EPHA7: variants seen among roughly 807,000 people sequenced by gnomAD.
EPHA7 encodes the protein EPH receptor A7, also known as ephrin type-A receptor 7.
A neutral mutation model predicts 112.6 loss-of-function variants in EPHA7; 25 were observed. The ratio of observed to expected loss-of-function variants is 0.22; its 90% CI spans 0.16 to 0.31. The LOEUF (loss-of-function observed/expected upper bound fraction) is 0.31, where lower values mean the gene tolerates loss of function less well. EPHA7 is among the 10% of genes least tolerant of loss of function. The pLI, the probability that EPHA7 is intolerant of heterozygous loss-of-function variation, is 1.00. For missense variants in EPHA7, 962 were observed against 1,212.6 expected, an observed-to-expected ratio of 0.79 and a Z score of 3.07; for synonymous variants, 437 against 406.5, an observed-to-expected ratio of 1.07 and a Z score of -0.90.
intron 3 of EPHA7, among the ~76,000 whole-genome samples, chr6:93,402,076 C>T (rs778879598): frequency 6.6e-6 from 1 of 151,974 alleles, no homozygotes; most frequent in Non-Finnish European, 1.5e-5. Context: ...TGACCATATA[C>T]TTCCCAATGC....
At chr6:93,403,553 T>C (rs1042493795) in intron 3 of EPHA7, among the ~76,000 whole-genome samples, 1 of 151,364 alleles carries the variant, frequency 6.6e-6, no homozygotes, top group African/African-American at 2.4e-5. Flanking sequence ...GCAGAGAGGA[T>C]CACTTGAGCC....
intron 3 of EPHA7, among the ~76,000 whole-genome samples, chr6:93,404,788 G>C (rs920846509): frequency 1.3e-5 from 2 of 151,314 alleles, no homozygotes; most frequent in African/African-American, 4.9e-5. Context: ...CTTAATACAT[G>C]CAAGTACTTA....
chr6:93,339,338 C>T (rs1341762871), intron 5 of EPHA7, among the ~76,000 whole-genome samples: 1 of 151,666 alleles, frequency 6.6e-6, no homozygotes, highest in Non-Finnish European at 1.5e-5. Context: ...TATTGTGAGA[C>T]TGAAGACAAC....
chr6:93,265,556 T>C (rs1770893243), intron 7 of EPHA7, among the ~76,000 whole-genome samples: 1 of 151,726 alleles, frequency 6.6e-6, no homozygotes, highest in African/African-American at 2.4e-5. Flanking sequence ...GTTTTATTTA[T>C]ATGATGATTC....
intron 3 of EPHA7, among the ~76,000 whole-genome samples, chr6:93,361,626 C>T (rs1309736837): frequency 6.6e-6 from 1 of 152,096 alleles, no homozygotes; most frequent in African/African-American, 2.4e-5. Context: ...TTTCTCCTCT[C>T]TCTAAATGCA....
chr6:93,303,925 AT>A (rs757676842), intron 5 of EPHA7, among the ~76,000 whole-genome samples: 13 of 152,058 alleles, frequency 8.5e-5, no homozygotes, highest in Non-Finnish European at 1.6e-4. Flanking sequence ...CCTTTCTTCT[AT>A]TACCTGACTA....
chr6:93,263,882 G>A lies in EPHA7; in HGVS notation c.1776C>T (p.Gly592=), dbSNP rs376244015. The A allele has an allele frequency of 3.7e-5, 60 of 1,609,024 alleles. No homozygotes were observed. The highest frequency in any genetic ancestry group is 2.2e-4 in the Admixed American group (13 of 59,680). ...HCGYSKADQE[G]DEELYFHFKF... ...TACAATGAAAGTAAAGCTCTTCATC[G>A]CCTTCTTGGTCAGCTTTGCTATAAC... is the stretch of plus-strand genomic sequence containing the variant. The change falls in exon 9 of 17, where the codon GGC becomes GGT. Residue 592 remains glycine (G), a synonymous_variant. Coordinates refer to ENST00000369303, the MANE Select transcript of EPHA7 (RefSeq NM_004440.4).
At chr6:93,404,934 C>T (rs1378939589) in intron 3 of EPHA7, among the ~76,000 whole-genome samples, 4 of 151,758 alleles carry the variant, frequency 2.6e-5, no homozygotes. Context: ...GCTATAGTAC[C>T]TGAGCCCTGT....
intron 5 of EPHA7, among the ~76,000 whole-genome samples, chr6:93,283,992 G>T (rs185288710): frequency 1.0e-3 from 157 of 152,154 alleles, no homozygotes; most frequent in Non-Finnish European, 2.0e-3. Flanking sequence ...ATTCATTTAA[G>T]CTGATAAAAT....
At chr6:93,352,345 T>A (rs1775735505) in intron 5 of EPHA7, among the ~76,000 whole-genome samples, 1 of 152,126 alleles carries the variant, frequency 6.6e-6, no homozygotes. Flanking sequence ...CGATACTTAG[T>A]CTCAGGAAGG....
intron 5 of EPHA7, among the ~76,000 whole-genome samples, chr6:93,324,229 T>C (rs771005885): frequency 1.3e-5 from 2 of 151,458 alleles, no homozygotes; most frequent in Non-Finnish European, 3.0e-5. Flanking sequence ...CATATGAGTA[T>C]ATTAACTAAC....
intron 5 of EPHA7, among the ~76,000 whole-genome samples, chr6:93,339,116 A>ATAT (rs1775019188): frequency 2.6e-5 from 4 of 151,680 alleles, no homozygotes; most frequent in Non-Finnish European, 5.9e-5. Context: ...ATATAATACA[A>ATAT]AAACTGGCAA....
chr6:93,275,501 T>A (rs1217193452), intron 5 of EPHA7, among the ~76,000 whole-genome samples: 1 of 151,864 alleles, frequency 6.6e-6, no homozygotes, highest in African/African-American at 2.4e-5. Flanking sequence ...GATCTTCAAG[T>A]CTTATCAGGG....
intron 2 of EPHA7, among the ~76,000 whole-genome samples, chr6:93,413,927 T>C (rs1779099472): frequency 1.3e-5 from 2 of 151,896 alleles, no homozygotes; most frequent in Non-Finnish European, 3.0e-5. Flanking sequence ...GGGTATCTTC[T>C]CCTTTCTCAA....
intron 7 of EPHA7, among the ~76,000 whole-genome samples, chr6:93,267,063 T>C (rs538029624): frequency 6.6e-6 from 1 of 151,924 alleles, no homozygotes; most frequent in South Asian, 2.1e-4. Context: ...TATGACATGA[T>C]AATACTATGA....
chr6:93,358,001 T>C (rs541357294), intron 4 of EPHA7, among the ~76,000 whole-genome samples: 2 of 152,260 alleles, frequency 1.3e-5, no homozygotes, highest in Admixed American at 1.3e-4. Context: ...TCTTATGAGA[T>C]ACATGTGAAA....
intron 5 of EPHA7, among the ~76,000 whole-genome samples, chr6:93,338,373 A>C (rs1247448506): frequency 6.6e-6 from 1 of 152,064 alleles, no homozygotes. Context: ...CCAATCAAAT[A>C]TATTAAATAA....
chr6:93,257,425 A>G, intron 12 of EPHA7, 37 bp downstream of exon 12: 2 of 1,477,112 alleles, frequency 1.4e-6, no homozygotes, highest in African/African-American at 1.4e-5. Context: ...TAGCAAGCAT[A>G]GTATATTTAG....
rs1315188863 is a variant in EPHA7 at position 93,245,051 on chromosome 6, T to C, written c.2882+247A>G. On this transcript the variant is annotated intron_variant, in intron 16 of 16. Transcript: ENST00000369303. The stretch of plus-strand genomic sequence containing the variant: ...TTAAATTTTCTGAACTTTAGCCTTG[T>C]TGGCAACAACATAGGTATGAAACTA... Among the ~76,000 whole-genome samples the C allele has an allele frequency of 2.0e-5, 3 of 152,356 alleles. No homozygotes were observed. The East Asian group carries it at 5.8e-4, about 29-fold the overall frequency.
Sources: allele counts gnomAD v4.1 joint callset (sites outside exome capture counted in the v4.1 genomes callset), GRCh38; gene constraint gnomAD v4.1.1; transcripts MANE v1.5; gene names NCBI Gene and HGNC (gene_info 2026-07-23, HGNC 2026-07-21).